Variants in FOXP1 observed in about 807,000 individuals in gnomAD.
FOXP1 encodes the protein forkhead box protein P1.
FOXP1 carries 15 observed loss-of-function variants against 98.2 expected under a neutral mutation model. The ratio of observed to expected loss-of-function variants is 0.15; its 90% CI spans 0.10 to 0.24. FOXP1 has a LOEUF of 0.24. FOXP1 is among the 10% of genes least tolerant of loss of function. FOXP1 has a pLI of 1.00. For synonymous variants in FOXP1, 371 were observed against 314.5 expected (o/e 1.18, Z -1.90); for missense variants, 633 against 848.5 (o/e 0.75, Z 3.15).
intron 5 of FOXP1, chr3:71,296,603 T>C (rs1401485526): frequency 1.4e-5 from 2 of 141,124 alleles, no homozygotes; most frequent in African/African-American, 2.5e-5. Context: ...ATGGATACTG[T>C]AAAAGAAAAA....
intron 14 of FOXP1, among the ~76,000 whole-genome samples, chr3:70,980,831 G>T (rs1011538725): frequency 3.9e-5 from 6 of 152,166 alleles, no homozygotes; most frequent in African/African-American, 1.4e-4. Flanking sequence ...CAGTCAAAGG[G>T]CAAAGGTACA....
chr3:71,267,483 C>T (rs903949821), intron 5 of FOXP1, among the ~76,000 whole-genome samples: 2 of 151,982 alleles, frequency 1.3e-5, no homozygotes, highest in African/African-American at 2.4e-5. Flanking sequence ...ACTGCATCTG[C>T]GAGTAGAAAT....
chr3:71,437,816 A>G (rs1390161859), intron 3 of FOXP1, among the ~76,000 whole-genome samples: 1 of 152,188 alleles, frequency 6.6e-6, no homozygotes, highest in Non-Finnish European at 1.5e-5. Flanking sequence ...AACCAAAAAA[A>G]TGATCAGGTG....
chr3:71,501,789 T>C (rs2041385010), intron 2 of FOXP1, among the ~76,000 whole-genome samples: 1 of 152,174 alleles, frequency 6.6e-6, no homozygotes, highest in Admixed American at 6.5e-5. Flanking sequence ...ACCTTCACGT[T>C]TCTGAACTCG....
chr3:70,970,667 AAT>A (rs2036025761), intron 19 of FOXP1, 67 bp downstream of exon 19: 1 of 1,177,226 alleles, frequency 8.5e-7, no homozygotes, highest in Admixed American at 1.7e-5. Flanking sequence ...GAGCAAGGCT[AAT>A]ATATTTTGAA....
intron 5 of FOXP1, among the ~76,000 whole-genome samples, chr3:71,291,940 C>T (rs1212354922): frequency 2.6e-5 from 4 of 151,960 alleles, no homozygotes; most frequent in African/African-American, 7.3e-5. Context: ...CTCTTGACCT[C>T]GTGATCTGCC....
chr3:70,968,070 G>C (rs1202657727), intron 19 of FOXP1, among the ~76,000 whole-genome samples: 2 of 152,072 alleles, frequency 1.3e-5, no homozygotes, highest in Non-Finnish European at 2.9e-5. Flanking sequence ...CTAGGTCAAG[G>C]CCATTGCTGA....
At chr3:71,051,389 G>A (rs1471254327) in intron 9 of FOXP1, among the ~76,000 whole-genome samples, 1 of 152,138 alleles carries the variant, frequency 6.6e-6, no homozygotes, top group Non-Finnish European at 1.5e-5. Flanking sequence ...AAACTTGGCA[G>A]GACATGGAAA....
At chr3:71,163,757 T>G (rs546809504) in intron 6 of FOXP1, among the ~76,000 whole-genome samples, 1 of 152,322 alleles carries the variant, frequency 6.6e-6, no homozygotes, top group South Asian at 2.1e-4. Context: ...GCTTGCTACA[T>G]AAATATGTCA....
At chr3:71,186,691 C>A (rs1009733603) in intron 6 of FOXP1, among the ~76,000 whole-genome samples, 1 of 152,114 alleles carries the variant, frequency 6.6e-6, no homozygotes, top group Non-Finnish European at 1.5e-5. Context: ...AGCCTGGCAA[C>A]AGAGCAAGAC....
At chr3:71,484,529 A>G (rs1326586918) in intron 3 of FOXP1, among the ~76,000 whole-genome samples, 3 of 152,206 alleles carry the variant, frequency 2.0e-5, no homozygotes, top group East Asian at 1.9e-4. Flanking sequence ...CAAGCAGCAT[A>G]TATCTAACAT....
intron 3 of FOXP1, among the ~76,000 whole-genome samples, chr3:71,363,563 CACG>C (rs2078718039): frequency 6.6e-6 from 1 of 152,282 alleles, no homozygotes; most frequent in Admixed American, 6.5e-5. Context: ...TCCAAACCAG[CACG>C]ACTGTCTTTA....
At chr3:71,164,820 A>G (rs549179355) in intron 6 of FOXP1, among the ~76,000 whole-genome samples, 1 of 152,342 alleles carries the variant, frequency 6.6e-6, no homozygotes, top group Non-Finnish European at 1.5e-5. Context: ...TACAACCAAC[A>G]GCAAACTTTC....
At chr3:71,018,351 G>A (rs1368986049) in intron 11 of FOXP1, among the ~76,000 whole-genome samples, 2 of 152,104 alleles carry the variant, frequency 1.3e-5, no homozygotes, top group African/African-American at 4.8e-5. Flanking sequence ...TCACACACGG[G>A]TACAATTACA....
At chr3:71,065,396 A>C (rs183598044) in intron 7 of FOXP1, among the ~76,000 whole-genome samples, 59 of 152,314 alleles carry the variant, frequency 3.9e-4, no homozygotes, top group Admixed American at 2.2e-3. Context: ...TGCTCCGAGC[A>C]ACTGTTCGGC....
At chr3:70,966,085 A>C (rs373362323) in intron 19 of FOXP1, 29 bp from the exon 20 acceptor site, 1 of 1,598,594 alleles carries the variant, frequency 6.3e-7, no homozygotes, top group Non-Finnish European at 8.6e-7. Context: ...AAATTTATGA[A>C]GACACAGGGT....
At chr3:71,566,629 G>T (rs574779415) in intron 2 of FOXP1, among the ~76,000 whole-genome samples, 280 of 152,284 alleles carry the variant, frequency 1.8e-3, no homozygotes, top group African/African-American at 6.4e-3. Flanking sequence ...CCCAACAGGG[G>T]ATCACGCATT....
At chr3:71,537,175 G>T (rs572287718) in intron 2 of FOXP1, among the ~76,000 whole-genome samples, 3 of 152,300 alleles carry the variant, frequency 2.0e-5, no homozygotes, top group Admixed American at 2.0e-4. Context: ...CACTGCAGAC[G>T]GTTGAAATGA....
At chr3:71,353,283 C>T (rs1244154716) in intron 4 of FOXP1, among the ~76,000 whole-genome samples, 1 of 152,252 alleles carries the variant, frequency 6.6e-6, no homozygotes, top group East Asian at 1.9e-4. Context: ...AGCACAAGGG[C>T]TGATCTAGGC....
Sources: gnomAD v4.1 joint callset for allele counts (sites outside exome capture counted in the v4.1 genomes callset) on GRCh38, gnomAD v4.1.1 for gene constraint, MANE v1.5 for transcripts, NCBI Gene and HGNC (gene_info 2026-07-23, HGNC 2026-07-21) for gene names.